Variants in ROBO1 observed in about 807,000 individuals in gnomAD.
ROBO1 encodes the protein roundabout homolog 1.
In ROBO1, 149 loss-of-function variants were observed where a neutral mutation model predicts 195.9. The ratio of observed to expected loss-of-function variants is 0.76; its 90% confidence interval spans 0.67 to 0.87. ROBO1 has a LOEUF of 0.87. Among genes scored for constraint, ROBO1 ranks in the 40% least tolerant of loss-of-function variants. The pLI, the probability that ROBO1 is intolerant of heterozygous loss-of-function variation, is 0.00. For missense variants in ROBO1, 1,933 were observed against 2,068.3 expected, an observed-to-expected ratio of 0.93 and a Z score of 1.27; for synonymous variants, 816 against 733.2, an observed-to-expected ratio of 1.11 and a Z score of -1.82.
At chr3:78,839,363 G>A (rs1403006609) in intron 4 of ROBO1, among the ~76,000 whole-genome samples, 1 of 151,714 alleles carries the variant, frequency 6.6e-6, no homozygotes, top group African/African-American at 2.4e-5. Flanking sequence ...GATGATAGGT[G>A]GCCTTCCCTA....
intron 2 of ROBO1, among the ~76,000 whole-genome samples, chr3:79,210,100 T>C (rs549821657): frequency 6.6e-6 from 1 of 151,836 alleles, no homozygotes; most frequent in Non-Finnish European, 1.5e-5. Context: ...CATGGATGAG[T>C]AGAATCTACA....
intron 1 of ROBO1, among the ~76,000 whole-genome samples, chr3:79,697,901 C>G (rs1576246788): frequency 6.6e-6 from 1 of 151,396 alleles, no homozygotes; most frequent in East Asian, 2.0e-4. Flanking sequence ...AAGAGTTAAA[C>G]ATACATACAT....
chr3:79,218,931 G>A (rs1014647482), intron 2 of ROBO1, among the ~76,000 whole-genome samples: 3 of 151,852 alleles, frequency 2.0e-5, no homozygotes, highest in Non-Finnish European at 4.4e-5. Flanking sequence ...TAGGATATTT[G>A]AGATAGTTTG....
intron 1 of ROBO1, among the ~76,000 whole-genome samples, chr3:79,716,685 G>C (rs1207106370): frequency 6.6e-6 from 1 of 151,870 alleles, no homozygotes; most frequent in Non-Finnish European, 1.5e-5. Flanking sequence ...CAACTATGTT[G>C]GTCCTCAGCC....
intron 3 of ROBO1, among the ~76,000 whole-genome samples, chr3:79,031,891 A>C (rs1040043122): frequency 6.6e-6 from 1 of 152,326 alleles, no homozygotes; most frequent in Non-Finnish European, 1.5e-5. Flanking sequence ...TTCTACATAC[A>C]GTACTCTTCT....
Position 79,326,846 on chromosome 3 carries a change from G to A in ROBO1, c.89-201307C>T, listed in dbSNP as rs1008664426. Among the ~76,000 whole-genome samples the A allele has an allele frequency of 7.2e-5, 11 of 152,246 alleles. 1 individual carries two copies. The East Asian group carries it at 2.1e-3, about 29-fold the overall frequency. On this transcript the variant is annotated intron_variant, in intron 2 of 30. Coordinates refer to ENST00000464233, the MANE Select transcript of ROBO1 (RefSeq NM_002941.4). The stretch of plus-strand genomic sequence containing the variant: ...ATATATGATCATACCTCTCAAGAAT[G>A]AATTCAACTAAATGAATATTATTTG...
intron 19 of ROBO1, among the ~76,000 whole-genome samples, chr3:78,648,313 A>G (rs1157856472): frequency 6.6e-6 from 1 of 152,114 alleles, no homozygotes; most frequent in Admixed American, 6.6e-5. Context: ...ATCATCATAA[A>G]AACTTGTGAA....
intron 2 of ROBO1, among the ~76,000 whole-genome samples, chr3:79,159,391 G>C (rs1422573190): frequency 6.6e-6 from 1 of 151,900 alleles, no homozygotes; most frequent in African/African-American, 2.4e-5. Flanking sequence ...CAATAGTGTT[G>C]TGTATCCAAA....
chr3:78,746,149 G>A (rs183168563), intron 5 of ROBO1, among the ~76,000 whole-genome samples: 6 of 152,212 alleles, frequency 3.9e-5, no homozygotes, highest in Non-Finnish European at 5.9e-5. Flanking sequence ...AGAAGAAAAC[G>A]CATCTTGACT....
intron 2 of ROBO1, among the ~76,000 whole-genome samples, chr3:79,511,410 C>T (rs1940698287): frequency 6.6e-6 from 1 of 152,122 alleles, no homozygotes; most frequent in Non-Finnish European, 1.5e-5. Context: ...AATTTCTCTA[C>T]TTACTTTCTA....
chr3:79,159,917 G>T (rs942983227), intron 2 of ROBO1, among the ~76,000 whole-genome samples: 2 of 151,990 alleles, frequency 1.3e-5, no homozygotes, highest in African/African-American at 4.8e-5. Context: ...ACTGCTTCTT[G>T]TTGTACTTGA....
chr3:79,188,107 T>G (rs1452342953), intron 2 of ROBO1, among the ~76,000 whole-genome samples: 2 of 151,990 alleles, frequency 1.3e-5, no homozygotes, highest in Non-Finnish European at 2.9e-5. Flanking sequence ...AAATTCCTGC[T>G]GCTCTGTAAC....
At chr3:79,244,014 G>A (rs1297194466) in intron 2 of ROBO1, among the ~76,000 whole-genome samples, 1 of 152,122 alleles carries the variant, frequency 6.6e-6, no homozygotes, top group African/African-American at 2.4e-5. Context: ...TCTATAAGGT[G>A]TAAGGAAGGG....
chr3:79,326,405 A>C (rs2109150329), intron 2 of ROBO1, among the ~76,000 whole-genome samples: 1 of 152,296 alleles, frequency 6.6e-6, no homozygotes, highest in African/African-American at 2.4e-5. Context: ...CCAGACGACC[A>C]GCTTTAAAAT....
intron 8 of ROBO1, among the ~76,000 whole-genome samples, chr3:78,711,874 C>T (rs1029436234): frequency 1.3e-5 from 2 of 151,300 alleles, no homozygotes; most frequent in African/African-American, 2.4e-5. Flanking sequence ...AGATAAAGTG[C>T]CTATTAGATG....
intron 2 of ROBO1, among the ~76,000 whole-genome samples, chr3:79,270,057 A>C (rs1399175439): frequency 6.6e-6 from 1 of 151,864 alleles, no homozygotes; most frequent in Non-Finnish European, 1.5e-5. Flanking sequence ...CAGATAACAT[A>C]TGGTAGCTCA....
Position 78,617,875 on chromosome 3 carries a change from A to T in ROBO1, c.4042T>A (p.Leu1348Ile). 1 of 1,613,974 alleles carries T rather than the reference A, an allele frequency of 6.2e-7. No homozygotes were observed. Among genetic ancestry groups the T allele is most frequent in the Non-Finnish European group, 8.5e-7 (1 of 1,179,884 alleles). Reference sequence around the variant, plus strand: ...GCAGGTGTCTGCTCAAGCCCACGTAACAAAAGCCTTCTGGTTTGCATCTTG... The same window carrying T: ...GCAGGTGTCTGCTCAAGCCCACGTATCAAAAGCCTTCTGGTTTGCATCTTG... ...VAKMQTRRLL[L>I]RGLEQTPASS... Residue 1348 changes from leucine to isoleucine, a missense_variant, in exon 27 of 31, where the codon TTA (leucine) becomes ATA (isoleucine). Physicochemically the swap from Leu to Ile is conservative, Grantham distance 5. Transcript: ENST00000464233.
chr3:79,058,664 A>G (rs2078858321), intron 3 of ROBO1, among the ~76,000 whole-genome samples: 1 of 151,256 alleles, frequency 6.6e-6, no homozygotes, highest in East Asian at 2.0e-4. Context: ...GAACAATCAA[A>G]CTGTCCAATG....
At chr3:79,229,597 C>T (rs2082286479) in intron 2 of ROBO1, among the ~76,000 whole-genome samples, 1 of 151,926 alleles carries the variant, frequency 6.6e-6, no homozygotes, top group South Asian at 2.1e-4. Flanking sequence ...CAGTGCCCAG[C>T]TGATGTTTTT....
Sources: allele counts gnomAD v4.1 joint callset (sites outside exome capture counted in the v4.1 genomes callset), GRCh38; gene constraint gnomAD v4.1.1; transcripts MANE v1.5; gene names NCBI Gene and HGNC (gene_info 2026-07-23, HGNC 2026-07-21).